The following LHFPL3 variants were observed in gnomAD, a reference collection of about 807,000 sequenced individuals.
LHFPL3 encodes LHFPL tetraspan subfamily member 3.
Under a neutral mutation model 19.3 loss-of-function variants are expected in LHFPL3, and 5 were observed. The observed-to-expected ratio is 0.26, with a 90% CI of 0.14 to 0.54. The LOEUF is 0.54. Ranked by LOEUF, LHFPL3 falls within the 20% of genes least tolerant of loss-of-function variation. The pLI is 0.94. For synonymous variants in LHFPL3, 133 were observed against 126.2 expected (o/e 1.05, Z -0.36); for missense variants, 249 against 307.4 (o/e 0.81, Z 1.42).
intron 1 of LHFPL3, among the ~76,000 whole-genome samples, chr7:104,709,005 C>CA (rs1347635174): frequency 6.6e-6 from 1 of 151,362 alleles, no homozygotes; most frequent in African/African-American, 2.4e-5. Context: ...TCTGGCCATG[C>CA]AAAAAAAATT....
At chr7:104,443,412 G>A (rs1792265174) in intron 1 of LHFPL3, among the ~76,000 whole-genome samples, 2 of 152,142 alleles carry the variant, frequency 1.3e-5, no homozygotes, top group African/African-American at 2.4e-5. Flanking sequence ...TGTGAGCTCT[G>A]ATTATTGTGT....
At chr7:104,444,776 G>A (rs1392615964) in intron 1 of LHFPL3, among the ~76,000 whole-genome samples, 1 of 152,086 alleles carries the variant, frequency 6.6e-6, no homozygotes, top group Non-Finnish European at 1.5e-5. Context: ...ATCACCTGAG[G>A]TCGGGAGTTC....
intron 2 of LHFPL3, among the ~76,000 whole-genome samples, chr7:104,873,667 T>C (rs1452551411): frequency 6.6e-6 from 1 of 152,164 alleles, no homozygotes; most frequent in Non-Finnish European, 1.5e-5. Flanking sequence ...GGTATGTTAA[T>C]GTTTAAACTC....
intron 1 of LHFPL3, among the ~76,000 whole-genome samples, 184 bp from the exon 2 acceptor site, chr7:104,736,491 G>A (rs1448670919): frequency 1.4e-5 from 2 of 146,994 alleles, no homozygotes; most frequent in Non-Finnish European, 3.0e-5. Flanking sequence ...ACACACACAC[G>A]TGCACGTTTG....
chr7:104,755,253 A>T (rs980981381), intron 2 of LHFPL3, among the ~76,000 whole-genome samples: 1 of 151,918 alleles, frequency 6.6e-6, no homozygotes, highest in Non-Finnish European at 1.5e-5. Context: ...AGTCTCTGCT[A>T]TGTCACATTT....
At chr7:104,369,340 T>G (rs997663245) in intron 1 of LHFPL3, among the ~76,000 whole-genome samples, 6 of 152,250 alleles carry the variant, frequency 3.9e-5, no homozygotes, top group Non-Finnish European at 7.3e-5. Flanking sequence ...CCTTTTGCAC[T>G]TGGCATCTTT....
At chr7:104,459,274 C>T (rs1792611301) in intron 1 of LHFPL3, among the ~76,000 whole-genome samples, 1 of 152,078 alleles carries the variant, frequency 6.6e-6, no homozygotes, top group African/African-American at 2.4e-5. Context: ...TGTTCAACTC[C>T]ACATTTAAGT....
chr7:104,657,378 G>T (rs1365778650), intron 1 of LHFPL3, among the ~76,000 whole-genome samples: 1 of 152,194 alleles, frequency 6.6e-6, no homozygotes, highest in East Asian at 1.9e-4. Context: ...GCATTGGAAA[G>T]GCCAAGTCCA....
At chr7:104,433,005 C>A (rs983213634) in intron 1 of LHFPL3, among the ~76,000 whole-genome samples, 1 of 152,078 alleles carries the variant, frequency 6.6e-6, no homozygotes, top group Non-Finnish European at 1.5e-5. Context: ...TTTTTGGTCT[C>A]GGGTAAGCTT....
At chr7:104,890,547 T>C (rs976951401) in intron 2 of LHFPL3, among the ~76,000 whole-genome samples, 1 of 152,210 alleles carries the variant, frequency 6.6e-6, no homozygotes, top group Admixed American at 6.5e-5. Context: ...TGTTTGTCCC[T>C]TTAGAACTGA....
intron 1 of LHFPL3, among the ~76,000 whole-genome samples, chr7:104,587,763 A>C (rs1790611179): frequency 6.6e-6 from 1 of 151,738 alleles, no homozygotes; most frequent in African/African-American, 2.4e-5. Context: ...CTATTTCTCC[A>C]CATCCTCTCC....
At chr7:104,878,895 A>G (rs1366902897) in intron 2 of LHFPL3, among the ~76,000 whole-genome samples, 4 of 152,236 alleles carry the variant, frequency 2.6e-5, no homozygotes, top group Non-Finnish European at 5.9e-5. Context: ...GGTTTGATCT[A>G]TCTAGACAAC....
intron 1 of LHFPL3, among the ~76,000 whole-genome samples, chr7:104,564,648 C>T (rs969007392): frequency 6.6e-6 from 1 of 152,178 alleles, no homozygotes; most frequent in Non-Finnish European, 1.5e-5. Flanking sequence ...ACTCTTTTGG[C>T]TGGCATGCCC....
chr7:104,901,872 C>G (rs1792492114), intron 2 of LHFPL3, among the ~76,000 whole-genome samples: 1 of 152,038 alleles, frequency 6.6e-6, no homozygotes, highest in South Asian at 2.1e-4. Flanking sequence ...ACTGGCCCTG[C>G]AAGTTTTAAA....
chr7:104,417,927 G>T (rs552003803), intron 1 of LHFPL3, among the ~76,000 whole-genome samples: 1 of 137,144 alleles, frequency 7.3e-6, no homozygotes, highest in South Asian at 2.3e-4. Context: ...CTGTCACCCA[G>T]TCTGGAGTGT....
intron 1 of LHFPL3, among the ~76,000 whole-genome samples, chr7:104,616,981 C>G (rs916369406): frequency 2.6e-5 from 4 of 152,024 alleles, no homozygotes; most frequent in African/African-American, 9.7e-5. Flanking sequence ...GAATGGCGAT[C>G]ATTAAAAAGT....
chr7:104,858,788 C>T (rs1043776983), intron 2 of LHFPL3, among the ~76,000 whole-genome samples: 6 of 152,110 alleles, frequency 3.9e-5, no homozygotes, highest in Non-Finnish European at 7.4e-5. Flanking sequence ...TCCAGAGGTT[C>T]GAGTCTGTCA....
intron 2 of LHFPL3, among the ~76,000 whole-genome samples, chr7:104,795,838 C>T (rs77151287): frequency 0.013 from 1,923 of 152,252 alleles, 26 homozygotes; most frequent in Non-Finnish European, 0.017. Context: ...CCTGACTTCC[C>T]CCAAACTACT....
chr7:104,347,117 G>A (rs1180618402), intron 1 of LHFPL3, among the ~76,000 whole-genome samples: 1 of 151,814 alleles, frequency 6.6e-6, no homozygotes, highest in African/African-American at 2.4e-5. Context: ...TAAACATTAG[G>A]TATTAGTATC....
Sources: allele counts gnomAD v4.1 joint callset (sites outside exome capture counted in the v4.1 genomes callset), GRCh38; gene constraint gnomAD v4.1.1; transcripts MANE v1.5; gene names NCBI Gene and HGNC (gene_info 2026-07-23, HGNC 2026-07-21).